The following NELL2 variants were observed in gnomAD, a reference collection of about 807,000 sequenced individuals.
The protein encoded by NELL2 is protein kinase C-binding protein NELL2.
A neutral mutation model predicts 109.6 loss-of-function variants in NELL2; 41 were observed. That is an observed-to-expected ratio of 0.37 (90% CI 0.29 to 0.49). NELL2 has a LOEUF of 0.49. Among genes scored for constraint, NELL2 ranks in the 20% least tolerant of loss-of-function variants. The pLI is 0.98. For missense variants in NELL2, 900 were observed against 1,008.3 expected (o/e 0.89, Z 1.45); for synonymous variants, 355 against 344.7 (o/e 1.03, Z -0.33).
At chr12:44,708,933 T>A (rs985020896) in intron 11 of NELL2, among the ~76,000 whole-genome samples, 1 of 152,196 alleles carries the variant, frequency 6.6e-6, no homozygotes, top group African/African-American at 2.4e-5. Flanking sequence ...AACACAATTT[T>A]ACTAGCATTT....
intron 2 of NELL2, among the ~76,000 whole-genome samples, chr12:44,869,695 C>G (rs1945108882): frequency 6.6e-6 from 1 of 152,102 alleles, no homozygotes; most frequent in Admixed American, 6.6e-5. Flanking sequence ...ATATGTTCTT[C>G]AAAGAGCCCT....
At chr12:44,824,460 T>C (rs972573898) in intron 2 of NELL2, among the ~76,000 whole-genome samples, 3 of 152,248 alleles carry the variant, frequency 2.0e-5, no homozygotes, top group Middle Eastern at 6.8e-3. Context: ...TTCATTCTTA[T>C]GCATGTGGAT....
At position 44,658,877 on chromosome 12, in the gene NELL2, CA is replaced by C. The variant is rs58696965; in HGVS notation, c.1444+6606del. 5.2e-3 allele frequency among the ~76,000 whole-genome samples: 365 copies of C among 69,926 alleles called. 1 individual carries two copies. The highest frequency in any genetic ancestry group is 0.013 in the African/African-American group (257 of 20,538). 45.9% of individuals were successfully genotyped at this position (69,926 alleles called of 152,430 possible). A position where few individuals can be genotyped will look rare whatever the true frequency, so the allele number is the denominator to read the frequency against. ...GGGCGACAGAGCAAGACTCTGTCTC[CA>C]AAAAAAAAAAAAAAAAAAAAAGAAA... On this transcript the variant is annotated intron_variant, in intron 13 of 19. Transcript: ENST00000429094.
chr12:44,880,051 A>T (rs1398013914), upstream of NELL2, among the ~76,000 whole-genome samples: 1 of 151,696 alleles, frequency 6.6e-6, no homozygotes, highest in Non-Finnish European at 1.5e-5. Context: ...AATAATAATA[A>T]TAATTGTCAT....
At chr12:44,514,261 C>CTAAG (rs1225065776) in intron 19 of NELL2, among the ~76,000 whole-genome samples, 4 of 151,718 alleles carry the variant, frequency 2.6e-5, no homozygotes, top group Non-Finnish European at 5.9e-5. Flanking sequence ...AAGGAAAATG[C>CTAAG]TAAGGAGTGT....
chr12:44,866,887 A>G (rs1004371045), intron 2 of NELL2, among the ~76,000 whole-genome samples: 5 of 152,116 alleles, frequency 3.3e-5, no homozygotes, highest in Admixed American at 2.6e-4. Context: ...GTTTAAGTGT[A>G]TATGTCTAGG....
At chr12:44,627,853 T>C (rs887259976) in intron 13 of NELL2, among the ~76,000 whole-genome samples, 1 of 152,226 alleles carries the variant, frequency 6.6e-6, no homozygotes, top group African/African-American at 2.4e-5. Context: ...GTTAGCAGAA[T>C]TGTATTAGCA....
Position 44,610,783 on chromosome 12 carries a change from A to C in NELL2, c.1567+65T>G, listed in dbSNP as rs751241088. 58 of 1,600,756 alleles carry C rather than the reference A, an allele frequency of 3.6e-5. 1 individual carries two copies. The highest frequency in any genetic ancestry group is 3.3e-4 in the South Asian group (30 of 90,628). On this transcript the variant is annotated intron_variant, in intron 14 of 19. Coordinates refer to ENST00000429094, the MANE Select transcript of NELL2 (RefSeq NM_001145108.2). ...GTACATAACAGTAATGATAAGGTGT[A>C]GAGGAAGGTAGAGATGGATGGCATT...
At chr12:44,804,979 T>A (rs1942952112) in intron 3 of NELL2, among the ~76,000 whole-genome samples, 2 of 151,876 alleles carry the variant, frequency 1.3e-5, no homozygotes, top group Non-Finnish European at 2.9e-5. Flanking sequence ...AACTTAAACA[T>A]CTTTTACAAT....
intron 13 of NELL2, among the ~76,000 whole-genome samples, chr12:44,660,340 G>T (rs1020068413): frequency 6.6e-6 from 1 of 152,210 alleles, no homozygotes; most frequent in African/African-American, 2.4e-5. Context: ...TCCTGTGCCA[G>T]ATATCTTGTA....
chr12:44,661,896 T>C (rs1370871906), intron 13 of NELL2, among the ~76,000 whole-genome samples: 2 of 152,050 alleles, frequency 1.3e-5, no homozygotes, highest in Non-Finnish European at 2.9e-5. Flanking sequence ...TATTTCCCTC[T>C]CTCTGTTCTC....
chr12:44,725,367 G>A (rs1178596156), intron 9 of NELL2, among the ~76,000 whole-genome samples: 2 of 152,020 alleles, frequency 1.3e-5, no homozygotes, highest in African/African-American at 4.8e-5. Flanking sequence ...TGCTGGCAAG[G>A]TTGCAGAGAA....
At chr12:44,841,077 TA>T (rs1944212525) in intron 2 of NELL2, among the ~76,000 whole-genome samples, 1 of 152,158 alleles carries the variant, frequency 6.6e-6, no homozygotes, top group Admixed American at 6.6e-5. Flanking sequence ...TTCAACAGTT[TA>T]AAACTCAGTA....
intron 9 of NELL2, among the ~76,000 whole-genome samples, chr12:44,742,238 C>A (rs184301156): frequency 1.3e-5 from 2 of 152,222 alleles, no homozygotes; most frequent in Non-Finnish European, 2.9e-5. Flanking sequence ...AACAGACCTG[C>A]AGCTGAGGGT....
At chr12:44,583,021 A>T (rs144037251) in intron 15 of NELL2, among the ~76,000 whole-genome samples, 183 of 152,224 alleles carry the variant, frequency 1.2e-3, no homozygotes, top group African/African-American at 3.8e-3. Context: ...CCACATGTGG[A>T]CCCCTTGACC....
At chr12:44,585,783 A>C (rs1465201226) in intron 15 of NELL2, among the ~76,000 whole-genome samples, 2 of 151,828 alleles carry the variant, frequency 1.3e-5, no homozygotes, top group African/African-American at 4.8e-5. Context: ...TGGTGGTCAT[A>C]ATGGGGGAGG....
At chr12:44,576,567 A>T (rs1277850055) in intron 15 of NELL2, among the ~76,000 whole-genome samples, 47 of 147,936 alleles carry the variant, frequency 3.2e-4, no homozygotes, top group African/African-American at 9.8e-4. Context: ...TTATTATTAT[A>T]CTTTAAGTTT....
chr12:44,513,014 C>A (rs1941070173), intron 19 of NELL2, among the ~76,000 whole-genome samples: 1 of 151,954 alleles, frequency 6.6e-6, no homozygotes. Context: ...AAAAAATACC[C>A]TAATTACCCT....
At chr12:44,769,716 G>T (rs1327304291) in intron 9 of NELL2, among the ~76,000 whole-genome samples, 1 of 152,012 alleles carries the variant, frequency 6.6e-6, no homozygotes, top group Admixed American at 6.6e-5. Flanking sequence ...CTACCTAACT[G>T]CCATCCAACA....
Sources: gnomAD v4.1 joint callset for allele counts (sites outside exome capture counted in the v4.1 genomes callset) on GRCh38, gnomAD v4.1.1 for gene constraint, MANE v1.5 for transcripts, NCBI Gene and HGNC (gene_info 2026-07-23, HGNC 2026-07-21) for gene names.